The following HK1 variants were observed in gnomAD, a reference collection of about 807,000 sequenced individuals.
HK1 encodes the protein hexokinase 1, also known as hexokinase-1.
HK1 carries 28 observed loss-of-function variants against 91.6 expected under a neutral mutation model. That is an observed-to-expected ratio of 0.31 (90% CI 0.23 to 0.42). HK1 has a LOEUF of 0.42. HK1 is among the 10% of genes least tolerant of loss of function. The probability of loss-of-function intolerance (pLI) is 1.00; values close to 1 mark genes in which losing one functional copy is unlikely to be tolerated. For missense variants in HK1, 770 were observed against 1,219.8 expected, an observed-to-expected ratio of 0.63 and a Z score of 5.49; for synonymous variants, 430 against 468.1, an observed-to-expected ratio of 0.92 and a Z score of 1.05.
Position 69,392,106 on chromosome 10 carries a change from G to GC in HK1, c.2036-14dup, listed in dbSNP as rs770340959. On this transcript the variant is annotated intron_variant, in intron 14 of 17. Transcript: ENST00000359426. ...AAATGCAAGGCCACCGCTCCTCATT[G>GC]CCCCCTCGTGTGTTCCAGGGACCGG... 4.3e-6 allele frequency: 7 copies of GC among 1,613,850 alleles called. No individual in the cohort carries two copies. Among genetic ancestry groups the GC allele is most frequent in the African/African-American group, 4.0e-5 (3 of 74,912 alleles).
At chr10:69,375,432 G>A (rs999983842) in intron 7 of HK1, among the ~76,000 whole-genome samples, 2 of 152,186 alleles carry the variant, frequency 1.3e-5, no homozygotes, top group Non-Finnish European at 2.9e-5. Flanking sequence ...TCCCACAGGA[G>A]CCTGGGGTGG....
chr10:69,351,171 T>C (rs1325807216), intron 2 of HK1, among the ~76,000 whole-genome samples: 1 of 139,684 alleles, frequency 7.2e-6, no homozygotes, highest in Non-Finnish European at 1.5e-5. Flanking sequence ...CGAGACTCCG[T>C]CTCAAAATTA....
chr10:69,368,361 G>A (rs1849813605), intron 4 of HK1, among the ~76,000 whole-genome samples, 175 bp from the exon 5 acceptor site: 1 of 152,218 alleles, frequency 6.6e-6, no homozygotes, highest in African/African-American at 2.4e-5. Context: ...CCATTGTGTG[G>A]ATGATCGGGA....
chr10:69,385,330 T>C (rs889695406), intron 12 of HK1, among the ~76,000 whole-genome samples: 1 of 152,208 alleles, frequency 6.6e-6, no homozygotes, highest in Non-Finnish European at 1.5e-5. Flanking sequence ...ATAATAAATG[T>C]TTGTTCAATA....
chr10:69,300,809 G>A (rs754341733), exon 5 of HK1: 2 of 1,611,516 alleles, frequency 1.2e-6, no homozygotes, highest in South Asian at 2.2e-5. Flanking sequence ...GGACATTAAT[G>A]TGCACCACTG....
intron 1 of HK1, among the ~76,000 whole-genome samples, chr10:69,327,951 G>C (rs1366849951): frequency 2.6e-5 from 4 of 152,210 alleles, no homozygotes; most frequent in Non-Finnish European, 1.5e-5. Flanking sequence ...TTGATGCAGG[G>C]AAAGGCTTAG....
intron 2 of HK1, among the ~76,000 whole-genome samples, chr10:69,356,252 T>C (rs1271005450): frequency 2.0e-5 from 3 of 151,858 alleles, no homozygotes; most frequent in African/African-American, 7.3e-5. Context: ...CTGGGCAACA[T>C]AGTGAGACCT....
At chr10:69,288,086 T>TGA (rs1484512428) in intron 2 of HK1, among the ~76,000 whole-genome samples, 2 of 152,186 alleles carry the variant, frequency 1.3e-5, no homozygotes, top group Non-Finnish European at 2.9e-5. Flanking sequence ...AGTTCAAGTT[T>TGA]GAGGCTGCAG....
At chr10:69,317,099 A>G (rs2132555678), upstream of HK1, among the ~76,000 whole-genome samples, 1 of 152,350 alleles carries the variant, frequency 6.6e-6, no homozygotes, top group South Asian at 2.1e-4. Context: ...ATATAAATAT[A>G]CAAATATCAC....
At chr10:69,292,421 C>T (rs1334312289) in intron 3 of HK1, 1 of 414,606 alleles carries the variant, frequency 2.4e-6, no homozygotes, top group Non-Finnish European at 4.8e-6. Context: ...GAAAGATCAT[C>T]CCTGCCCTCC....
At chr10:69,312,932 G>C (rs1482358349), upstream of HK1, among the ~76,000 whole-genome samples, 2 of 152,114 alleles carry the variant, frequency 1.3e-5, no homozygotes, top group African/African-American at 2.4e-5. Flanking sequence ...GAATTATGTT[G>C]GTTTCCTTCA....
chr10:69,316,500 T>C (rs1312786984), upstream of HK1, among the ~76,000 whole-genome samples: 2 of 152,192 alleles, frequency 1.3e-5, no homozygotes, highest in Non-Finnish European at 2.9e-5. Context: ...TCAGGAAATA[T>C]TGACAGGCCT....
chr10:69,389,082 C>G, intron 13 of HK1, 115 bp from the exon 14 acceptor site: 1 of 777,810 alleles, frequency 1.3e-6, no homozygotes, highest in Non-Finnish European at 2.3e-6. Context: ...GGTAAGAAAA[C>G]CATCTTAGAT....
rs756906926 is a variant in HK1, at chr10:69,389,247, G to C, written c.1986G>C (p.Met662Ile). The change falls in exon 14 of 18, where the codon ATG (methionine) becomes ATC (isoleucine). Residue 662 changes from methionine (M) to isoleucine (I), a missense_variant. Physicochemically the swap from Met to Ile is conservative, Grantham distance 10. Transcript: ENST00000359426. Reference sequence around the variant, plus strand: ...TGGTCAACGACACAGTGGGCACCATGATGACCTGTGCTTATGAGGAGCCCA... The same window carrying C: ...TGGTCAACGACACAGTGGGCACCATCATGACCTGTGCTTATGAGGAGCCCA... ...VAVVNDTVGT[M>I]MTCAYEEPTC... The C allele has an allele frequency of 3.7e-6, 6 of 1,613,990 alleles. No homozygotes were observed. The Admixed American group carries it at 6.7e-5, about 18-fold the overall frequency.
At chr10:69,281,281 C>T (rs1372663205) in intron 1 of HK1, among the ~76,000 whole-genome samples, 1 of 152,184 alleles carries the variant, frequency 6.6e-6, no homozygotes, top group Non-Finnish European at 1.5e-5. Context: ...AAGTTCCCAC[C>T]TAATGCTGTT....
intron 1 of HK1, among the ~76,000 whole-genome samples, chr10:69,280,794 A>G (rs1294985676): frequency 5.9e-5 from 9 of 152,186 alleles, no homozygotes; most frequent in Admixed American, 5.2e-4. Flanking sequence ...TACCTAGCCA[A>G]TGGTAATTTG....
intron 3 of HK1, among the ~76,000 whole-genome samples, chr10:69,295,281 G>A (rs962856227): frequency 4.6e-5 from 7 of 152,166 alleles, no homozygotes; most frequent in Non-Finnish European, 8.8e-5. Flanking sequence ...GTGCTGCTGC[G>A]CTTCCATTAC....
intron 10 of HK1, 138 bp from the exon 11 acceptor site, chr10:69,384,195 T>C (rs2305197): frequency 0.17 from 172,924 of 992,644 alleles, 15,843 homozygotes; most frequent in Non-Finnish European, 0.19. Flanking sequence ...CTGTGCTGTG[T>C]CCTAAAGGGA....
upstream of HK1, chr10:69,318,733 G>A: frequency 1.2e-6 from 1 of 864,404 alleles, no homozygotes; most frequent in Non-Finnish European, 1.6e-6. Context: ...TGGGCGTGGA[G>A]GAGGTGGGTC....
Sources: gnomAD v4.1 joint callset for allele counts (sites outside exome capture counted in the v4.1 genomes callset) on GRCh38, gnomAD v4.1.1 for gene constraint, MANE v1.5 for transcripts, NCBI Gene and HGNC (gene_info 2026-07-23, HGNC 2026-07-21) for gene names.